PTPDC1: variants seen among roughly 807,000 people sequenced by gnomAD.
PTPDC1 encodes the protein protein tyrosine phosphatase domain-containing protein 1.
In PTPDC1, 53 loss-of-function variants were observed where a neutral mutation model predicts 75.3. The observed-to-expected ratio is 0.70, with a 90% CI of 0.56 to 0.88. The LOEUF is 0.88. Among genes scored for constraint, PTPDC1 ranks in the 40% least tolerant of loss-of-function variants. PTPDC1 has a pLI of 0.00. For missense variants in PTPDC1, 925 were observed against 998.6 expected, an observed-to-expected ratio of 0.93 and a Z score of 0.99; for synonymous variants, 349 against 366.2, an observed-to-expected ratio of 0.95 and a Z score of 0.54.
intron 2 of PTPDC1, among the ~76,000 whole-genome samples, chr9:94,073,915 C>T (rs766571665): frequency 1.6e-4 from 25 of 152,012 alleles, no homozygotes; most frequent in Non-Finnish European, 2.4e-4. Flanking sequence ...TTTCTGTTAT[C>T]GATTTCTAGT....
intron 2 of PTPDC1, among the ~76,000 whole-genome samples, chr9:94,067,881 C>T (rs540114888): frequency 6.6e-6 from 1 of 152,298 alleles, no homozygotes; most frequent in South Asian, 2.1e-4. Context: ...GGATTACAGG[C>T]GTGAGCTACC....
At chr9:94,107,444 G>A (rs1828062231) in intron 8 of PTPDC1, among the ~76,000 whole-genome samples, 1 of 152,250 alleles carries the variant, frequency 6.6e-6, no homozygotes, top group South Asian at 2.1e-4. Context: ...CCTGTCCAGA[G>A]TGGCCGTAGG....
chr9:94,040,929 T>C (rs1825411020), intron 1 of PTPDC1, among the ~76,000 whole-genome samples: 1 of 152,236 alleles, frequency 6.6e-6, no homozygotes, highest in African/African-American at 2.4e-5. Context: ...ATGTTTCTGA[T>C]ACTTTATATC....
At chr9:94,087,746 A>G in intron 2 of PTPDC1, 85 bp from the exon 3 acceptor site, 2 of 877,656 alleles carry the variant, frequency 2.3e-6, no homozygotes, top group Non-Finnish European at 3.7e-6. Context: ...CATAGAAAAA[A>G]TCATCTCTCA....
intron 1 of PTPDC1, among the ~76,000 whole-genome samples, chr9:94,047,148 T>C (rs1333164123): frequency 2.0e-5 from 3 of 152,218 alleles, no homozygotes; most frequent in African/African-American, 7.2e-5. Flanking sequence ...GGATTACATT[T>C]ATTGATTTGT....
In PTPDC1 at chr9:94,098,243, A is replaced by G; in HGVS notation, c.1677A>G (p.Ser559=). ...CACACAGCCCTGGGGAGCCAGTTTC[A>G]CCCAGCTTTGCAAATGTCCATAAGG... ...SGSHSPGEPV[S]PSFANVHKDP... Residue 559 remains serine (S), a synonymous_variant, in exon 6 of 9, where the codon TCA becomes TCG. Transcript: ENST00000620992. The G allele has an allele frequency of 6.2e-7, 1 of 1,614,158 alleles. No homozygotes were observed. The highest frequency in any genetic ancestry group is 8.5e-7 in the Non-Finnish European group (1 of 1,180,034).
intron 1 of PTPDC1, among the ~76,000 whole-genome samples, chr9:94,045,819 C>A (rs892042064): frequency 4.3e-4 from 65 of 151,580 alleles, no homozygotes; most frequent in African/African-American, 1.4e-3. Flanking sequence ...ATGGTAGTTT[C>A]TTTTGCTGTG....
At chr9:94,066,245 A>G (rs948440883) in intron 2 of PTPDC1, among the ~76,000 whole-genome samples, 1 of 152,184 alleles carries the variant, frequency 6.6e-6, no homozygotes, top group Non-Finnish European at 1.5e-5. Context: ...TCCAAAAAAC[A>G]TTTTTTAATT....
chr9:94,069,973 C>T (rs1260729354), intron 2 of PTPDC1, among the ~76,000 whole-genome samples: 4 of 151,764 alleles, frequency 2.6e-5, no homozygotes, highest in East Asian at 1.9e-4. Flanking sequence ...TACAGGCGCC[C>T]GCCACCACGC....
chr9:94,101,340 G>T, intron 6 of PTPDC1: 1 of 397,824 alleles, frequency 2.5e-6, no homozygotes, highest in Non-Finnish European at 4.5e-6. Flanking sequence ...TGTGAAGCAG[G>T]GGATGAGTTT....
chr9:94,065,039 GT>G (rs1200722579), intron 2 of PTPDC1, among the ~76,000 whole-genome samples: 1 of 152,196 alleles, frequency 6.6e-6, no homozygotes, highest in East Asian at 1.9e-4. Flanking sequence ...TGCAAACAGT[GT>G]TTGTCTCCTG....
chr9:94,085,369 C>T lies in PTPDC1; in HGVS notation c.363C>T (p.Asn121=), dbSNP rs774224836. 6.2e-7 allele frequency: 1 copy of T among 1,614,046 alleles called. No individual in the cohort carries two copies. The highest frequency in any genetic ancestry group is 8.5e-7 in the Non-Finnish European group (1 of 1,180,036). Residue 121 remains asparagine (N), a synonymous_variant, in exon 2 of 9, where the codon AAC becomes AAT. Coordinates refer to ENST00000620992, the MANE Select transcript of PTPDC1 (RefSeq NM_001253829.2). ...GCGGTAGAGCTTGCAAGTATGAGAA[C>T]CCAGCCCGCTGGAGTGAGCAGGAGC... is the stretch of plus-strand genomic sequence containing the variant. The part of the protein sequence containing the change: ...ACGGRACKYE[N]PARWSEQEQA...
intron 7 of PTPDC1, among the ~76,000 whole-genome samples, chr9:94,102,282 G>A (rs1827867705): frequency 6.6e-6 from 1 of 151,296 alleles, no homozygotes; most frequent in South Asian, 2.1e-4. Flanking sequence ...AAAAGGGGTA[G>A]GTGTCACACA....
At position 94,088,407 on chromosome 9, in the gene PTPDC1, T is replaced by G. The variant is rs1827152766; in HGVS notation, c.616+144T>G. ...GTTTAGAAAAAATGAGCTACCATTCTCTTTGGTATTGCTGTTGAAAGTAAA... is the reference window on the plus strand; with the variant it reads ...GTTTAGAAAAAATGAGCTACCATTCGCTTTGGTATTGCTGTTGAAAGTAAA... On this transcript the variant is annotated intron_variant, in intron 4 of 8. Coordinates refer to ENST00000620992, the MANE Select transcript of PTPDC1 (RefSeq NM_001253829.2). 3.2e-6 allele frequency: 3 copies of G among 937,390 alleles called. No individual in the cohort carries two copies. In the East Asian group the frequency reaches 7.8e-5, roughly 24 times the overall value. The allele number at this position is 937,390 out of a possible 1,614,324, so 58.1% of individuals were successfully genotyped here. A position where few individuals can be genotyped will look rare whatever the true frequency, so the allele number is the denominator to read the frequency against.
At chr9:94,062,516 A>G (rs555975205) in intron 1 of PTPDC1, among the ~76,000 whole-genome samples, 1 of 152,352 alleles carries the variant, frequency 6.6e-6, no homozygotes, top group South Asian at 2.1e-4. Flanking sequence ...TTTCTAAAGA[A>G]AAGAGGTCTG....
At chr9:94,075,690 A>G (rs1228228225) in intron 2 of PTPDC1, among the ~76,000 whole-genome samples, 1 of 152,066 alleles carries the variant, frequency 6.6e-6, no homozygotes, top group Non-Finnish European at 1.5e-5. Context: ...TATCTGTTCT[A>G]TTGTGTCCAG....
chr9:94,047,825 G>T (rs941310150), intron 1 of PTPDC1, among the ~76,000 whole-genome samples: 10 of 152,124 alleles, frequency 6.6e-5, no homozygotes, highest in Admixed American at 6.5e-5. Flanking sequence ...TAGAAGAAAT[G>T]GATAAATTCC....
chr9:94,034,643 A>C (rs949681438), intron 1 of PTPDC1, among the ~76,000 whole-genome samples: 20 of 152,228 alleles, frequency 1.3e-4, no homozygotes, highest in Admixed American at 4.6e-4. Context: ...AAGGGATGTA[A>C]TTTACATTTC....
At chr9:94,056,958 T>C (rs930317750) in intron 1 of PTPDC1, among the ~76,000 whole-genome samples, 4 of 152,160 alleles carry the variant, frequency 2.6e-5, no homozygotes, top group African/African-American at 9.7e-5. Context: ...ATAAATAATA[T>C]GCGATTTTGC....
Sources: allele counts gnomAD v4.1 joint callset (sites outside exome capture counted in the v4.1 genomes callset), GRCh38; gene constraint gnomAD v4.1.1; transcripts MANE v1.5; gene names NCBI Gene and HGNC (gene_info 2026-07-23, HGNC 2026-07-21).